NTRK3: variants seen among roughly 807,000 people sequenced by gnomAD.
The protein encoded by NTRK3 is NT-3 growth factor receptor.
In NTRK3, 24 loss-of-function variants were observed where a neutral mutation model predicts 91.7. That is an observed-to-expected ratio of 0.26 (90% confidence interval 0.19 to 0.37). The LOEUF is 0.37. Among genes scored for constraint, NTRK3 ranks in the 10% least tolerant of loss-of-function variants. The probability of loss-of-function intolerance (pLI) is 1.00; values close to 1 mark genes in which losing one functional copy is unlikely to be tolerated. For missense variants in NTRK3, 880 were observed against 1,068.9 expected (o/e 0.82, Z 2.46); for synonymous variants, 483 against 404.0 (o/e 1.20, Z -2.34).
chr15:88,081,267 G>C (rs184155008), intron 13 of NTRK3, among the ~76,000 whole-genome samples: 2 of 152,168 alleles, frequency 1.3e-5, no homozygotes, highest in Admixed American at 1.3e-4. Flanking sequence ...GGCTCAGAAG[G>C]TGACAGAAGG....
At position 87,873,420 on chromosome 15, in the gene NTRK3, C is replaced by T. The variant is rs2064874531; in HGVS notation, c.*3515G>A. On this transcript the variant is annotated 3_prime_UTR_variant, in exon 19 of 19. Transcript: ENST00000394480. ...GAAGAATTGGGAGGTCCCATGGCCA[C>T]AACACCCTACTCCAAGGTGGACACC... 3 of 230,802 alleles carry T rather than the reference C, an allele frequency of 1.3e-5. No individual in the cohort carries two copies. In the East Asian group the frequency reaches 1.8e-4, roughly 14 times the overall value. The allele number at this position is 230,802 out of a possible 1,614,324, so 14.3% of individuals were successfully genotyped here.
At chr15:88,078,319 C>T (rs1314300407) in intron 13 of NTRK3, among the ~76,000 whole-genome samples, 2 of 152,160 alleles carry the variant, frequency 1.3e-5, no homozygotes, top group African/African-American at 2.4e-5. Context: ...TCACATGGCA[C>T]GTCCCAACAG....
intron 3 of NTRK3, among the ~76,000 whole-genome samples, chr15:88,231,348 T>C (rs895827796): frequency 6.6e-6 from 1 of 152,098 alleles, no homozygotes. Flanking sequence ...TCCAGAGCTA[T>C]TGTAGTTGCC....
intron 5 of NTRK3, among the ~76,000 whole-genome samples, chr15:88,148,443 G>C (rs1429811779): frequency 6.6e-6 from 1 of 152,148 alleles, no homozygotes; most frequent in African/African-American, 2.4e-5. Flanking sequence ...GGAGTGCGGA[G>C]GGCTCAGAGA....
Position 88,237,469 on chromosome 15 carries a change from C to T in NTRK3, c.248+18437G>A, listed in dbSNP as rs1231008611. The stretch of plus-strand genomic sequence containing the variant: ...GAGGGATGCCTAACATGGTTACTGA[C>T]ACAAGTGTGGTGCTCACTGGTAGCT... On this transcript the variant is annotated intron_variant, in intron 3 of 18. Transcript: ENST00000394480. The surrounding 1 kb of genome is among the most constrained non-coding windows in gnomAD (Gnocchi z 4.0). Among the ~76,000 whole-genome samples, 1 of 152,176 alleles carries T rather than the reference C, an allele frequency of 6.6e-6. No individual in the cohort carries two copies. Among genetic ancestry groups the T allele is most frequent in the African/African-American group, 2.4e-5 (1 of 41,444 alleles).
rs138576244 is a variant in NTRK3, at chr15:87,909,296, G to A, written c.2133+19895C>T. Among the ~76,000 whole-genome samples, 940 of 152,248 alleles carry A rather than the reference G, an allele frequency of 6.2e-3. 9 individuals carry two copies. Among genetic ancestry groups the A allele is most frequent in the Middle Eastern group, 6.8e-3 (2 of 294 alleles). ...GAAGTGAGAGGAGGGGGGTGCATGA[G>A]GAGGGACTCACAGTAACTTAGCAAT... On this transcript the variant is annotated intron_variant, in intron 17 of 18. Coordinates refer to ENST00000394480, the Ensembl canonical transcript of NTRK3.
intron 10 of NTRK3, among the ~76,000 whole-genome samples, chr15:88,129,256 T>G (rs750947083): frequency 6.6e-6 from 1 of 152,224 alleles, no homozygotes; most frequent in Non-Finnish European, 1.5e-5. Flanking sequence ...TGTTATTTGA[T>G]CTTTGGTCTC....
At chr15:88,123,798 G>C (rs1290081350) in intron 13 of NTRK3, among the ~76,000 whole-genome samples, 1 of 152,226 alleles carries the variant, frequency 6.6e-6, no homozygotes, top group African/African-American at 2.4e-5. Flanking sequence ...TTTTCAATAG[G>C]AAGGTTCAAT....
At chr15:87,905,533 A>G (rs1230168800) in intron 17 of NTRK3, among the ~76,000 whole-genome samples, 1 of 152,206 alleles carries the variant, frequency 6.6e-6, no homozygotes, top group Non-Finnish European at 1.5e-5. Flanking sequence ...AAATATAACC[A>G]TCATATCTGA....
intron 14 of NTRK3, among the ~76,000 whole-genome samples, chr15:88,012,451 C>T (rs1267224991): frequency 1.3e-5 from 2 of 152,196 alleles, no homozygotes; most frequent in African/African-American, 2.4e-5. Context: ...CTTTGGCAAA[C>T]TTGCCCATTT....
chr15:87,917,195 G>C (rs1416086701), intron 17 of NTRK3, among the ~76,000 whole-genome samples: 1 of 152,186 alleles, frequency 6.6e-6, no homozygotes, highest in Non-Finnish European at 1.5e-5. Context: ...TAGCAGGTAG[G>C]ATTCTCGCTA....
chr15:88,097,627 G>A (rs148815896), intron 13 of NTRK3, among the ~76,000 whole-genome samples: 209 of 152,308 alleles, frequency 1.4e-3, no homozygotes, highest in African/African-American at 4.9e-3. Flanking sequence ...ACTGATAATA[G>A]TATTTGTAAC....
intron 14 of NTRK3, among the ~76,000 whole-genome samples, chr15:87,942,180 A>T (rs1442802259): frequency 6.6e-6 from 1 of 152,184 alleles, no homozygotes; most frequent in Non-Finnish European, 1.5e-5. Flanking sequence ...TCTGCCTAGT[A>T]AGGATTTGCG....
chr15:87,878,541 AG>A (rs2141450891), intron 18 of NTRK3, among the ~76,000 whole-genome samples: 1 of 152,308 alleles, frequency 6.6e-6, no homozygotes, highest in South Asian at 2.1e-4. Flanking sequence ...CTCCAGGAAA[AG>A]GGATTCAGTT....
At chr15:87,875,473 G>A (rs768914841) in exon 19 of NTRK3, 11 of 232,270 alleles carry the variant, frequency 4.7e-5, no homozygotes, top group Non-Finnish European at 8.5e-5. Flanking sequence ...CCCTCTCTCC[G>A]GTCAGGGCTC....
In NTRK3 at chr15:88,237,165, T is replaced by C. The variant is rs754206709; in HGVS notation, c.248+18741A>G. 6.6e-6 allele frequency among the ~76,000 whole-genome samples: 1 copy of C among 152,058 alleles called. No homozygotes were observed. The highest frequency in any genetic ancestry group is 1.5e-5 in the Non-Finnish European group (1 of 68,018). On this transcript the variant is annotated intron_variant, in intron 3 of 18. Coordinates refer to ENST00000394480, the Ensembl canonical transcript of NTRK3. This position sits in a 1 kb window ranked among gnomAD's most constrained non-coding sequence, Gnocchi z 4.0. ...AGGAGTGGATAGAGGGCTGGACAGA[T>C]GGATAGAGGATGTGATAAAGAAGTA...
At chr15:87,867,103 A>G (rs1222163928) in exon 19 of NTRK3, 2 of 225,504 alleles carry the variant, frequency 8.9e-6, no homozygotes, top group African/African-American at 2.2e-5. Flanking sequence ...AGACTGAGGC[A>G]TTATAATAGG....
chr15:88,024,980 C>G (rs1275154165), intron 14 of NTRK3, among the ~76,000 whole-genome samples: 2 of 152,210 alleles, frequency 1.3e-5, no homozygotes, highest in Non-Finnish European at 2.9e-5. Flanking sequence ...AAGAATTACA[C>G]AGTCATCAGT....
intron 13 of NTRK3, among the ~76,000 whole-genome samples, chr15:88,054,422 A>G (rs966167966): frequency 2.6e-5 from 4 of 152,206 alleles, no homozygotes; most frequent in Admixed American, 2.6e-4. Flanking sequence ...AGCAATCCAC[A>G]TTGACCTGCA....
Sources: gnomAD v4.1 joint callset for allele counts (sites outside exome capture counted in the v4.1 genomes callset) on GRCh38, gnomAD v4.1.1 for gene constraint, Gnocchi (gnomAD v3.1) non-coding constraint, MANE v1.5 for transcripts, NCBI Gene and HGNC (gene_info 2026-07-23, HGNC 2026-07-21) for gene names.